SULF2: variants seen among roughly 807,000 people sequenced by gnomAD.
SULF2 encodes the protein extracellular sulfatase Sulf-2.
A neutral mutation model predicts 107.7 loss-of-function variants in SULF2; 52 were observed. The ratio of observed to expected loss-of-function variants is 0.48; its 90% CI spans 0.39 to 0.61. The LOEUF (loss-of-function observed/expected upper bound fraction) is 0.61, where lower values mean the gene tolerates loss of function less well. Among genes scored for constraint, SULF2 ranks in the 20% least tolerant of loss-of-function variants. The pLI is 0.00. For synonymous variants in SULF2, 460 were observed against 464.3 expected (o/e 0.99, Z 0.12); for missense variants, 993 against 1,177.3 (o/e 0.84, Z 2.29).
intron 1 of SULF2, among the ~76,000 whole-genome samples, chr20:47,774,641 C>T (rs2090693302): frequency 6.6e-6 from 1 of 152,168 alleles, no homozygotes; most frequent in African/African-American, 2.4e-5. Context: ...TCCATTCACT[C>T]GTTTTAAAAT....
At chr20:47,769,596 G>C (rs1179995048) in intron 1 of SULF2, among the ~76,000 whole-genome samples, 1 of 152,166 alleles carries the variant, frequency 6.6e-6, no homozygotes, top group African/African-American at 2.4e-5. Context: ...GCTCCTGGCA[G>C]AGCCGAGGTG....
rs114549970 is a variant in SULF2, at chr20:47,688,605, G to A, written c.737+1521C>T. Among the ~76,000 whole-genome samples, 950 of 152,314 alleles carry A rather than the reference G, an allele frequency of 6.2e-3. 7 individuals are homozygous for A. The highest frequency in any genetic ancestry group is 0.022 in the African/African-American group (904 of 41,576). On this transcript the variant is annotated intron_variant, in intron 5 of 20. Transcript: ENST00000688720. ...GCTGCAGGGATGAGTTCTAAGTGGC[G>A]GTAGGGCGGGGTGCCGGCTGCTGGG...
intron 1 of SULF2, among the ~76,000 whole-genome samples, chr20:47,766,935 T>C (rs1883012515): frequency 6.8e-6 from 1 of 148,052 alleles, no homozygotes; most frequent in South Asian, 2.4e-4. Context: ...CTTTGTACTG[T>C]TTCATGATCA....
intron 2 of SULF2, among the ~76,000 whole-genome samples, chr20:47,755,098 T>C (rs1335477375): frequency 6.6e-6 from 1 of 152,232 alleles, no homozygotes; most frequent in Non-Finnish European, 1.5e-5. Flanking sequence ...CCCAAAATGC[T>C]GGGATTACAG....
intron 18 of SULF2, among the ~76,000 whole-genome samples, chr20:47,660,498 C>T (rs1017751512): frequency 1.3e-5 from 2 of 152,242 alleles, no homozygotes; most frequent in Non-Finnish European, 2.9e-5. Flanking sequence ...TCCTCCTAGA[C>T]ACAGTCCCTT....
chr20:47,746,987 A>T (rs1333121175), intron 2 of SULF2, among the ~76,000 whole-genome samples: 12 of 54,502 alleles, frequency 2.2e-4, no homozygotes, highest in South Asian at 7.0e-4. Context: ...ATAAATAAAA[A>T]AAAAAAAATA....
intron 3 of SULF2, among the ~76,000 whole-genome samples, chr20:47,714,260 C>T (rs200499687): frequency 1.3e-5 from 2 of 152,196 alleles, no homozygotes; most frequent in Non-Finnish European, 2.9e-5. Flanking sequence ...TCATTTGGAC[C>T]GCTGCATACT....
intron 1 of SULF2, among the ~76,000 whole-genome samples, chr20:47,763,228 G>A (rs1426085399): frequency 2.0e-5 from 3 of 152,126 alleles, no homozygotes; most frequent in Non-Finnish European, 4.4e-5. Context: ...CTTGGCAAAG[G>A]CTCGCCAGCC....
At chr20:47,668,770 C>T (rs1163360854) in intron 11 of SULF2, among the ~76,000 whole-genome samples, 1 of 152,144 alleles carries the variant, frequency 6.6e-6, no homozygotes, top group African/African-American at 2.4e-5. Context: ...AACCCTGGGC[C>T]CACTCCCTGC....
At position 47,665,868 on chromosome 20, in the gene SULF2, T is replaced by A. The variant is rs769534112; in HGVS notation, c.1891A>T (p.Ile631Phe). The A allele has an allele frequency of 2.5e-6, 4 of 1,613,882 alleles. No homozygotes were observed. Among genetic ancestry groups the A allele is most frequent in the Non-Finnish European group, 3.4e-6 (4 of 1,179,864 alleles). ...CGCTCTCCACTCACCTCGTGGTCGA[T>A]GTGCAGCTTGTGGTCTTTCCAGGCC... is the stretch of plus-strand genomic sequence containing the variant. The part of the protein sequence containing the change: ...LQAWKDHKLH[I>F]DHEIETLQNK... The change falls in exon 13 of 21, where the codon ATC (isoleucine) becomes TTC (phenylalanine). Residue 631 changes from isoleucine (I) to phenylalanine (F), a missense_variant. By Grantham distance (21) the Ile-to-Phe change is conservative (BLOSUM62 0). This residue lies in a region of SULF2 where 497 missense variants were observed against 544.1 expected (regional missense o/e 0.91). Transcript: ENST00000688720.
chr20:47,753,509 G>A (rs1197709497), intron 2 of SULF2, among the ~76,000 whole-genome samples: 3 of 152,248 alleles, frequency 2.0e-5, no homozygotes, highest in African/African-American at 7.2e-5. Flanking sequence ...CTGGGAGGCA[G>A]CATCTTGCTG....
At chr20:47,746,994 A>T (rs6125098) in intron 2 of SULF2, among the ~76,000 whole-genome samples, 3,652 of 131,302 alleles carry the variant, frequency 0.028, 64 homozygotes, top group South Asian at 0.046. Context: ...AAAAAAAAAA[A>T]ATATATATAT....
chr20:47,661,280 A>G (rs2087057918), intron 18 of SULF2, among the ~76,000 whole-genome samples: 1 of 151,812 alleles, frequency 6.6e-6, no homozygotes, highest in South Asian at 2.1e-4. Flanking sequence ...CCTACTTTTC[A>G]GGACTCAGTT....
Position 47,678,362 on chromosome 20 carries a change from C to A in SULF2, c.1193+314G>T. The A allele has an allele frequency of 3.3e-6, 1 of 298,966 alleles. No homozygotes were observed. The highest frequency in any genetic ancestry group is 6.5e-6 in the Non-Finnish European group (1 of 153,940). 18.5% of individuals were successfully genotyped at this position (298,966 alleles called of 1,614,324 possible). On this transcript the variant is annotated intron_variant, in intron 8 of 20. Transcript: ENST00000688720. This position sits in a 1 kb window ranked among gnomAD's most constrained non-coding sequence, Gnocchi z 4.5. ...TCCCTGCACAGTACTTAGAATAGGG[C>A]CTCACACACAAGCGCCGTGCAGTTA...
At chr20:47,697,352 T>C (rs1302276123) in intron 4 of SULF2, among the ~76,000 whole-genome samples, 1 of 152,220 alleles carries the variant, frequency 6.6e-6, no homozygotes, top group Non-Finnish European at 1.5e-5. Flanking sequence ...TCAGAGGCCT[T>C]CTGAGGGGGG....
At chr20:47,786,524 G>A (rs4810690), upstream of SULF2, 25,192 of 152,230 alleles carry the variant, frequency 0.17, 2,437 homozygotes, top group South Asian at 0.24. Context: ...CTCAATCGCA[G>A]GGCAAACCGA....
chr20:47,740,058 T>G (rs2089841134), intron 2 of SULF2, among the ~76,000 whole-genome samples: 1 of 152,198 alleles, frequency 6.6e-6, no homozygotes, highest in Non-Finnish European at 1.5e-5. Flanking sequence ...CTGAGAGCAC[T>G]CCAACTTATT....
In SULF2 at chr20:47,665,292, A is replaced by G. The variant is rs550567421; in HGVS notation, c.1904T>C (p.Ile635Thr). The G allele has an allele frequency of 5.0e-6, 8 of 1,607,894 alleles. No homozygotes were observed. Among genetic ancestry groups the G allele is most frequent in the Admixed American group, 3.3e-5 (2 of 60,016 alleles). The change falls in exon 14 of 21, where the codon ATT (isoleucine) becomes ACT (threonine). Residue 635 changes from isoleucine to threonine, a missense_variant and splice_region_variant. Physicochemically the swap from Ile to Thr is moderately conservative, Grantham distance 89. This residue lies in a region of SULF2 where 497 missense variants were observed against 544.1 expected (regional missense o/e 0.91). Transcript: ENST00000688720. ...KDHKLHIDHE[I>T]ETLQNKIKNL... ...CTTAATTTTGTTCTGCAGGGTTTCAATCTGAGGGAGGGGCAGAAGAGGAGG... is the reference window on the plus strand; with the variant it reads ...CTTAATTTTGTTCTGCAGGGTTTCAGTCTGAGGGAGGGGCAGAAGAGGAGG...
intron 1 of SULF2, among the ~76,000 whole-genome samples, chr20:47,767,081 A>G (rs6094822): frequency 0.05 from 7,589 of 152,228 alleles, 231 homozygotes; most frequent in Admixed American, 0.084. Flanking sequence ...GGAGGAGGGT[A>G]GGATCTAGAG....
Sources: allele counts gnomAD v4.1 joint callset (sites outside exome capture counted in the v4.1 genomes callset), GRCh38; gene constraint gnomAD v4.1.1; regional missense constraint gnomAD v4.1.1; non-coding constraint Gnocchi (gnomAD v3.1); transcripts MANE v1.5; gene names NCBI Gene and HGNC (gene_info 2026-07-23, HGNC 2026-07-21).